The following KIR2DL4 variants were observed in gnomAD, a reference collection of about 807,000 sequenced individuals.
KIR2DL4 encodes killer cell immunoglobulin like receptor, two Ig domains and long cytoplasmic tail 4.
A neutral mutation model predicts 31.0 loss-of-function variants in KIR2DL4; 41 were observed. That is an observed-to-expected ratio of 1.32 (90% CI 1.03 to 1.72). The LOEUF (loss-of-function observed/expected upper bound fraction) is 1.72, where lower values mean the gene tolerates loss of function less well. Among genes scored for constraint, KIR2DL4 ranks in the 40% most tolerant of loss-of-function variants. KIR2DL4 has a pLI of 0.00. For synonymous variants in KIR2DL4, 164 were observed against 133.6 expected (o/e 1.23, Z -1.57); for missense variants, 438 against 353.7 (o/e 1.24, Z -1.91).
chr19:54,806,582 C>A (rs1490708168), intron 4 of KIR2DL4, among the ~76,000 whole-genome samples: 1 of 151,308 alleles, frequency 6.6e-6, no homozygotes, highest in East Asian at 1.9e-4. Context: ...TGGCCTCTCA[C>A]CTACACAGAG....
intron 5 of KIR2DL4, among the ~76,000 whole-genome samples, chr19:54,810,126 GT>G (rs138956580): frequency 0.14 from 20,797 of 148,830 alleles, 1,926 homozygotes; most frequent in Middle Eastern, 0.19. Context: ...TGATTGATTG[GT>G]TGTTTTTATG....
At chr19:54,814,100 G>A in exon 8 of KIR2DL4, 2 of 1,611,168 alleles carry the variant, frequency 1.2e-6, no homozygotes, top group Non-Finnish European at 1.7e-6. Context: ...TGTACCAGCA[G>A]CTGGAATCTG....
At chr19:54,813,569 G>A in intron 6 of KIR2DL4, 121 bp from the exon 6 acceptor site, 1 of 994,578 alleles carries the variant, frequency 1.0e-6, no homozygotes, top group Non-Finnish European at 1.6e-6. Flanking sequence ...TCTGAGTCTG[G>A]CTGTTGGCAG....
intron 4 of KIR2DL4, among the ~76,000 whole-genome samples, chr19:54,807,888 TG>T (rs1458051080): frequency 2.7e-5 from 4 of 150,622 alleles, no homozygotes; most frequent in Non-Finnish European, 4.4e-5. Context: ...CCCATTGTAA[TG>T]GGGTGAGATG....
At position 54,803,917 on chromosome 19, in the gene KIR2DL4, G is replaced by A. The variant is rs369033322; in HGVS notation, c.67G>A (p.Ala23Thr). ...GTTCTTCTTGGACCAGAGTGTGTGG[G>A]CACACGTGGGTGAGTCCTTCCCCAA... is the stretch of plus-strand genomic sequence containing the variant. Residue 23 changes from alanine (A) to threonine (T), a missense_variant, in exon 2 of 8, where the codon GCA (alanine) becomes ACA (threonine). By Grantham distance (58) the Ala-to-Thr change is moderately conservative (BLOSUM62 0). Coordinates refer to ENST00000359085, the Ensembl canonical transcript of KIR2DL4. 2.4e-4 allele frequency: 389 copies of A among 1,609,846 alleles called. 14 individuals are homozygous for A. The highest frequency in any genetic ancestry group is 2.2e-3 in the African/African-American group (161 of 73,506).
chr19:54,812,154 A>G (rs1420064145), intron 5 of KIR2DL4, among the ~76,000 whole-genome samples: 1 of 151,114 alleles, frequency 6.6e-6, no homozygotes, highest in Admixed American at 6.6e-5. Context: ...GGCTGTGCCA[A>G]TTTCTATCAC....
exon 3 of KIR2DL4, chr19:54,804,910 A>C: frequency 6.2e-7 from 1 of 1,612,316 alleles, no homozygotes; most frequent in East Asian, 2.2e-5. Flanking sequence ...CTGTACAAGA[A>C]AGATGGGGTC....
At chr19:54,813,843 A>G in exon 8 of KIR2DL4, 1 of 1,612,264 alleles carries the variant, frequency 6.2e-7, no homozygotes, top group Non-Finnish European at 8.5e-7. Context: ...TCTCTCCAGG[A>G]CTCTGATGAA....
rs1272930781 is a variant in KIR2DL4, at chr19:54,806,357, G to A, written c.655+113G>A. On this transcript the variant is annotated intron_variant, in intron 4 of 7. Coordinates refer to ENST00000359085, the Ensembl canonical transcript of KIR2DL4. ...CAGATGTGGAGAGAAGATGCAGCAT[G>A]GTGTGAGGGTGGGATCAGGGCACAG... 1.6e-5 allele frequency: 19 copies of A among 1,201,276 alleles called. No homozygotes were observed. In the African/African-American group the frequency reaches 2.5e-4, roughly 16 times the overall value. 74.4% of individuals were successfully genotyped at this position (1,201,276 alleles called of 1,614,324 possible).
Position 54,803,669 on chromosome 19 carries a change from G to A in KIR2DL4, c.18G>A (p.Thr6=), listed in dbSNP as rs1362709367. The A allele has an allele frequency of 4.3e-6, 7 of 1,612,172 alleles. 1 individual carries two copies. Among genetic ancestry groups the A allele is most frequent in the Middle Eastern group, 3.3e-4 (2 of 6,072 alleles). Reference sequence around the variant, plus strand: ...GCTGCACCATGTCCATGTCACCCACGGTCATCATCCTGGCATGTCTTGGTG... The same window carrying A: ...GCTGCACCATGTCCATGTCACCCACAGTCATCATCCTGGCATGTCTTGGTG... The change falls in exon 1 of 8, where the codon ACG becomes ACA. Residue 6 remains threonine, a synonymous_variant. Coordinates refer to ENST00000359085, the Ensembl canonical transcript of KIR2DL4.
chr19:54,804,987 C>T, exon 3 of KIR2DL4: 3 of 1,611,784 alleles, frequency 1.9e-6, no homozygotes, highest in Non-Finnish European at 2.5e-6. Context: ...GACCCCAGCA[C>T]ACGCAGGGAC....
intron 3 of KIR2DL4, 95 bp downstream of exon 3, chr19:54,805,172 C>T: frequency 1.6e-6 from 2 of 1,270,036 alleles, no homozygotes; most frequent in Non-Finnish European, 2.2e-6. Context: ...CATCCAGGCC[C>T]CAACTATATT....
chr19:54,813,211 T>C (rs2060977614), exon 6 of KIR2DL4: 2 of 1,525,274 alleles, frequency 1.3e-6, no homozygotes, highest in East Asian at 2.5e-5. Context: ...CCTTCATCGC[T>C]GGTGCTCCAA....
chr19:54,805,821 G>A (rs148546628), intron 3 of KIR2DL4, 130 bp from the exon 4 acceptor site: 123,799 of 847,454 alleles, frequency 0.15, 11,446 homozygotes, highest in Non-Finnish European at 0.17. Context: ...AGGAAGAGTT[G>A]GGGGTGGAGG....
intron 4 of KIR2DL4, among the ~76,000 whole-genome samples, chr19:54,808,496 G>T (rs1293428271): frequency 6.6e-6 from 1 of 150,418 alleles, no homozygotes; most frequent in Non-Finnish European, 1.5e-5. Context: ...CTTTGTCAAA[G>T]TCCATTGGAT....
At chr19:54,813,252 A>G (rs1240240562) in intron 6 of KIR2DL4, 4 of 1,596,026 alleles carry the variant, frequency 2.5e-6, no homozygotes, top group African/African-American at 1.4e-5. Context: ...AGCAGAGGCC[A>G]GAGAACTCAG....
chr19:54,814,265 G>C (rs1042643067), exon 8 of KIR2DL4: 16 of 848,358 alleles, frequency 1.9e-5, no homozygotes, highest in Admixed American at 1.0e-4. Context: ...CTTGACCCCT[G>C]CCCACCTCTC....
At position 54,808,823 on chromosome 19, in the gene KIR2DL4, C is replaced by T. The variant is rs1478735005; in HGVS notation, c.656-10C>T. On this transcript the variant is annotated splice_polypyrimidine_tract_variant and intron_variant, in intron 4 of 7. Transcript: ENST00000359085. ...TCATTGCCACACCTCTCTCCTGTCC[C>T]GTGTTCTAGGAAACCCTTCTAGTAG... 6.4e-7 allele frequency: 1 copy of T among 1,564,728 alleles called. No individual in the cohort carries two copies. The highest frequency in any genetic ancestry group is 1.4e-5 in the African/African-American group (1 of 71,202).
chr19:54,809,664 C>G (rs1601187529), intron 5 of KIR2DL4, among the ~76,000 whole-genome samples: 2 of 151,428 alleles, frequency 1.3e-5, no homozygotes, highest in East Asian at 3.9e-4. Flanking sequence ...TCAAAGTCCA[C>G]AAAGGCTGGT....
Sources: allele counts gnomAD v4.1 joint callset (sites outside exome capture counted in the v4.1 genomes callset), GRCh38; gene constraint gnomAD v4.1.1; transcripts MANE v1.5; gene names NCBI Gene and HGNC (gene_info 2026-07-23, HGNC 2026-07-21).